Variants in TANK observed in about 807,000 individuals in gnomAD.
TANK encodes the protein TRAF family member-associated NF-kappa-B activator.
In TANK, 15 loss-of-function variants were observed where a neutral mutation model predicts 43.6. The observed-to-expected ratio is 0.34, with a 90% confidence interval of 0.23 to 0.53. The LOEUF is 0.53. Among genes scored for constraint, TANK ranks in the 20% least tolerant of loss-of-function variants. TANK has a pLI of 0.94. For missense variants in TANK, 417 were observed against 498.6 expected (o/e 0.84, Z 1.56); for synonymous variants, 162 against 178.2 (o/e 0.91, Z 0.73).
intron 4 of TANK, among the ~76,000 whole-genome samples, chr2:161,222,071 T>C (rs1050964293): frequency 2.6e-5 from 4 of 152,138 alleles, no homozygotes; most frequent in African/African-American, 9.6e-5. Context: ...GTCATTTTTT[T>C]CCTATCTTTT....
At chr2:161,220,365 G>A (rs1447647799) in intron 4 of TANK, among the ~76,000 whole-genome samples, 1 of 152,188 alleles carries the variant, frequency 6.6e-6, no homozygotes, top group Non-Finnish European at 1.5e-5. Flanking sequence ...CACTTTCGGA[G>A]GCCGAGGTGG....
chr2:161,210,335 C>G (rs1686823726), intron 4 of TANK, among the ~76,000 whole-genome samples: 1 of 152,078 alleles, frequency 6.6e-6, no homozygotes, highest in South Asian at 2.1e-4. Flanking sequence ...CTCCTATTTG[C>G]CAAGCCTTGC....
chr2:161,154,356 A>G (rs1015409675), intron 1 of TANK, among the ~76,000 whole-genome samples: 9 of 152,356 alleles, frequency 5.9e-5, no homozygotes, highest in Non-Finnish European at 1.0e-4. Flanking sequence ...GCAGCAGGAC[A>G]TAAGTCTGGA....
chr2:161,230,996 G>C lies in TANK; in HGVS notation c.546G>C (p.Gln182His). The C allele has an allele frequency of 6.2e-7, 1 of 1,614,034 alleles. No homozygotes were observed. The highest frequency in any genetic ancestry group is 1.1e-5 in the South Asian group (1 of 91,078). ...ATETQCSVPI[Q>H]CTDKTDKQEA... is the part of the protein sequence containing the mutation. ...AAACACAGTGCTCTGTGCCTATACA[G>C]TGTACGGATAAAACAGATAAACAAG... Residue 182 changes from glutamine to histidine, a missense_variant, in exon 7 of 8, where the codon CAG becomes CAC. Physicochemically the swap from Gln to His is conservative, Grantham distance 24. Transcript: ENST00000392749.
intron 1 of TANK, among the ~76,000 whole-genome samples, chr2:161,164,070 G>A (rs778305626): frequency 4.6e-5 from 7 of 152,110 alleles, no homozygotes; most frequent in South Asian, 2.1e-4. Flanking sequence ...GTGAATGCGT[G>A]GGTATTTTAT....
chr2:161,207,267 C>T (rs915713367), intron 4 of TANK: 2 of 330,306 alleles, frequency 6.1e-6, no homozygotes, highest in African/African-American at 4.5e-5. Context: ...TCAATTATAA[C>T]TATATTTTTG....
chr2:161,145,767 T>C (rs1297636566), intron 1 of TANK, among the ~76,000 whole-genome samples: 1 of 151,990 alleles, frequency 6.6e-6, no homozygotes, highest in Non-Finnish European at 1.5e-5. Flanking sequence ...TTTTCCTTCA[T>C]TTCAACCTTG....
intron 1 of TANK, chr2:161,139,917 T>C (rs1248527850): frequency 1.0e-6 from 1 of 979,304 alleles, no homozygotes; most frequent in African/African-American, 1.8e-5. Flanking sequence ...TGTGTCCAAA[T>C]TGATTAATCT....
At chr2:161,186,904 G>A (rs1372996962) in intron 2 of TANK, among the ~76,000 whole-genome samples, 1 of 152,150 alleles carries the variant, frequency 6.6e-6, no homozygotes, top group Non-Finnish European at 1.5e-5. Flanking sequence ...TGGCCAACAG[G>A]CATTTTAAAA....
At chr2:161,198,950 G>T (rs1686281585) in intron 2 of TANK, among the ~76,000 whole-genome samples, 1 of 152,138 alleles carries the variant, frequency 6.6e-6, no homozygotes, top group African/African-American at 2.4e-5. Flanking sequence ...ACTTGTGTAA[G>T]CCAGGATCTC....
chr2:161,169,107 T>C (rs1226031471), intron 1 of TANK, among the ~76,000 whole-genome samples: 1 of 152,060 alleles, frequency 6.6e-6, no homozygotes, highest in East Asian at 1.9e-4. Context: ...AAATGAGGGA[T>C]TCAATTAAAG....
At chr2:161,136,998 T>C in exon 1 of TANK, 1 of 985,450 alleles carries the variant, frequency 1.0e-6, no homozygotes, top group Non-Finnish European at 1.2e-6. Flanking sequence ...ACTTTACAAC[T>C]GTGTAACTGT....
intron 4 of TANK, among the ~76,000 whole-genome samples, chr2:161,215,949 A>G (rs1687099220): frequency 6.6e-6 from 1 of 152,146 alleles, no homozygotes; most frequent in Non-Finnish European, 1.5e-5. Context: ...AAACTATTGT[A>G]TAGCAGTTTC....
chr2:161,137,013 A>T lies in TANK; in HGVS notation c.-100A>T, dbSNP rs532917949. ...ACTTTACAACTGTGTAACTGTCTTC[A>T]TCTTTACAGAGGAATAGTCTACAAA... On this transcript the variant is annotated 5_prime_UTR_variant, in exon 1 of 8. Transcript: ENST00000259075. 1.3e-4 allele frequency: 132 copies of T among 985,420 alleles called. No homozygotes were observed. The African/African-American group carries it at 2.1e-3, about 15-fold the overall frequency. The allele number at this position is 985,420 out of a possible 1,614,324, so 61.0% of individuals were successfully genotyped here.
chr2:161,163,699 A>C (rs1464720756), intron 1 of TANK, among the ~76,000 whole-genome samples: 1 of 152,190 alleles, frequency 6.6e-6, no homozygotes, highest in Non-Finnish European at 1.5e-5. Context: ...GCCAAATCCT[A>C]CAGAGGGTTT....
chr2:161,230,032 TC>T (rs1286178825), intron 6 of TANK, among the ~76,000 whole-genome samples: 10 of 152,222 alleles, frequency 6.6e-5, no homozygotes, highest in African/African-American at 2.4e-4. Flanking sequence ...TCTTATCTCT[TC>T]CTATGCTTTT....
At chr2:161,180,609 T>C (rs1351502853) in intron 2 of TANK, among the ~76,000 whole-genome samples, 1 of 152,148 alleles carries the variant, frequency 6.6e-6, no homozygotes, top group Non-Finnish European at 1.5e-5. Context: ...GATAGGATTC[T>C]CTCCTTTTTA....
At chr2:161,165,165 AAT>A (rs761921699) in intron 1 of TANK, among the ~76,000 whole-genome samples, 2 of 152,006 alleles carry the variant, frequency 1.3e-5, no homozygotes, top group South Asian at 2.1e-4. Context: ...AAAGAAAATT[AAT>A]ATGAGTTCCA....
chr2:161,207,123 T>C (rs1423612891), intron 4 of TANK, among the ~76,000 whole-genome samples: 1 of 152,134 alleles, frequency 6.6e-6, no homozygotes, highest in African/African-American at 2.4e-5. Flanking sequence ...TTTTAAAAAT[T>C]ATATTTGTTT....
Sources: allele counts gnomAD v4.1 joint callset (sites outside exome capture counted in the v4.1 genomes callset), GRCh38; gene constraint gnomAD v4.1.1; transcripts MANE v1.5; gene names NCBI Gene and HGNC (gene_info 2026-07-23, HGNC 2026-07-21).